CELA3B: variants seen among roughly 807,000 people sequenced by gnomAD.
The protein encoded by CELA3B is chymotrypsin-like elastase family member 3B.
A neutral mutation model predicts 37.2 loss-of-function variants in CELA3B; 34 were observed. The observed-to-expected ratio is 0.91, with a 90% CI of 0.70 to 1.22. The LOEUF is 1.22. CELA3B is among the 50% of genes most tolerant of loss of function. CELA3B has a pLI of 0.00. For missense variants in CELA3B, 340 were observed against 363.1 expected (o/e 0.94, Z 0.52); for synonymous variants, 127 against 143.5 (o/e 0.89, Z 0.82).
In CELA3B at chr1:21,997,944, TGTTGAGAGGGAAACA is replaced by T. The variant is rs1439483959; in HGVS notation, c.505-204_505-190del. On this transcript the variant is annotated intron_variant, in intron 4 of 4. Coordinates refer to the CELA3B transcript ENST00000400277. ...AAGTTAATCTATAATGAAGATTGAC[TGTTGAGAGGGAAACA>T]GTCTGCCCTGTCACCCTTTAGTCAT... Among the ~76,000 whole-genome samples the T allele has an allele frequency of 2.6e-5, 4 of 151,378 alleles. 1 individual carries two copies. The highest frequency in any genetic ancestry group is 1.3e-4 in the Admixed American group (2 of 15,174).
At chr1:21,991,582 C>T (rs1201957078), downstream of CELA3B, among the ~76,000 whole-genome samples, 4 of 150,926 alleles carry the variant, frequency 2.7e-5, no homozygotes, top group Admixed American at 1.3e-4. Context: ...GTGATCCACC[C>T]GCCTTGGCCT....
At chr1:21,992,734 G>C (rs140514409), downstream of CELA3B, among the ~76,000 whole-genome samples, 8 of 151,340 alleles carry the variant, frequency 5.3e-5, no homozygotes, top group African/African-American at 1.7e-4. Context: ...CCAGCACTTT[G>C]GGAGGTTAGG....
chr1:21,981,544 A>C (rs1303750565), intron 4 of CELA3B, among the ~76,000 whole-genome samples: 2 of 151,616 alleles, frequency 1.3e-5, no homozygotes, highest in Non-Finnish European at 2.9e-5. Flanking sequence ...CTATGGGCAC[A>C]AGGAGGAGCA....
At chr1:21,998,258 C>A in exon 5 of CELA3B, 2 of 460,458 alleles carry the variant, frequency 4.3e-6, no homozygotes. Flanking sequence ...TAGGAAAGGA[C>A]AATTTGAACT....
In CELA3B at chr1:21,984,222, C is replaced by T. The variant is rs777058590; in HGVS notation, c.533C>T (p.Ala178Val). ...CCACTCCCAGACAAGCTGCAGGAGG[C>T]CCTGCTGCCGGTGGTGGACTATGAA... Reference protein sequence around the residue: ...NGPLPDKLQEALLPVVDYEHC... With the variant: ...NGPLPDKLQEVLLPVVDYEHC... The change falls in exon 6 of 8, where the codon GCC becomes GTC. Residue 178 changes from alanine to valine, a missense_variant. Coordinates refer to ENST00000337107, the MANE Select transcript of CELA3B (RefSeq NM_007352.4). 1 of 1,614,096 alleles carries T rather than the reference C, an allele frequency of 6.2e-7. No individual in the cohort carries two copies. The highest frequency in any genetic ancestry group is 2.2e-5 in the East Asian group (1 of 44,882).
At chr1:21,990,693 T>C (rs1490491754), downstream of CELA3B, among the ~76,000 whole-genome samples, 1 of 9,258 alleles carries the variant, frequency 1.1e-4, no homozygotes, top group East Asian at 1.5e-3. Context: ...GCCCACGAGT[T>C]TGAGACCAGC....
intron 4 of CELA3B, 147 bp from the exon 5 acceptor site, chr1:21,983,547 T>TG (rs1166870547): frequency 1.8e-5 from 24 of 1,336,274 alleles, no homozygotes; most frequent in East Asian, 1.0e-4. Context: ...TCAATAATAA[T>TG]AATGATGATG....
chr1:21,989,861 A>T (rs561136926), downstream of CELA3B, among the ~76,000 whole-genome samples: 1 of 150,736 alleles, frequency 6.6e-6, no homozygotes, highest in Non-Finnish European at 1.5e-5. Flanking sequence ...GAAGTGACTC[A>T]TTATTTAAAG....
At chr1:21,992,877 A>G (rs1301896094), downstream of CELA3B, among the ~76,000 whole-genome samples, 1 of 150,130 alleles carries the variant, frequency 6.7e-6, no homozygotes, top group Non-Finnish European at 1.5e-5. Context: ...AGGTGGGAAG[A>G]TCACTTGAGC....
At chr1:21,997,700 A>T (rs547589324) in intron 4 of CELA3B, among the ~76,000 whole-genome samples, 47 of 151,488 alleles carry the variant, frequency 3.1e-4, no homozygotes, top group Non-Finnish European at 2.1e-4. Flanking sequence ...CAAAAAAAAA[A>T]AAAAATTATG....
At chr1:21,977,737 T>G (rs551348185) in intron 1 of CELA3B, among the ~76,000 whole-genome samples, 1 of 151,998 alleles carries the variant, frequency 6.6e-6, no homozygotes, top group South Asian at 2.1e-4. Context: ...TTTTTTGCTT[T>G]TTTTTTTGTT....
intron 7 of CELA3B, chr1:21,987,032 G>T (rs540655667): frequency 5.3e-6 from 2 of 380,104 alleles, no homozygotes; most frequent in Non-Finnish European, 1.1e-5. Flanking sequence ...GAATGAGAAC[G>T]ATGCAGTCTG....
chr1:21,977,171 C>A (rs1241220689), intron 1 of CELA3B, 89 bp downstream of exon 1: 3 of 1,579,202 alleles, frequency 1.9e-6, no homozygotes, highest in African/African-American at 2.7e-5. Context: ...CCCATGACAC[C>A]CTATGCCTGG....
In CELA3B at chr1:21,984,236, G is replaced by T. The variant is rs1423685784; in HGVS notation, c.547G>T (p.Val183Leu). 6.2e-7 allele frequency: 1 copy of T among 1,614,198 alleles called. No homozygotes were observed. The highest frequency in any genetic ancestry group is 1.1e-5 in the South Asian group (1 of 91,080). ...GCTGCAGGAGGCCCTGCTGCCGGTG[G>T]TGGACTATGAACACTGCTCCAGGTG... ...DKLQEALLPV[V>L]DYEHCSRWNW... The change falls in exon 6 of 8, where the codon GTG becomes TTG. Residue 183 changes from valine (V) to leucine (L), a missense_variant. Transcript: ENST00000337107.
At chr1:21,978,575 AC>A in intron 2 of CELA3B, 121 bp downstream of exon 2, 1 of 1,234,764 alleles carries the variant, frequency 8.1e-7, no homozygotes, top group Non-Finnish European at 1.2e-6. Context: ...GCTTCCAAAG[AC>A]CAGGCAGCCC....
At chr1:21,987,264 C>T (rs192315511) in intron 7 of CELA3B, among the ~76,000 whole-genome samples, 3 of 151,490 alleles carry the variant, frequency 2.0e-5, no homozygotes, top group Non-Finnish European at 4.4e-5. Context: ...ACCAGCCTGG[C>T]CAAGATGGTG....
At chr1:21,982,921 C>G (rs112411018) in intron 4 of CELA3B, among the ~76,000 whole-genome samples, 1 of 151,996 alleles carries the variant, frequency 6.6e-6, no homozygotes, top group Non-Finnish European at 1.5e-5. Flanking sequence ...CCTCGTGATC[C>G]GCAGCAGTCT....
At chr1:21,986,704 C>A (rs34963341) in intron 7 of CELA3B, 21 bp downstream of exon 7, 1,145,344 of 1,605,526 alleles carry the variant, frequency 0.71, 414,460 homozygotes, top group Middle Eastern at 0.76. Flanking sequence ...CAGGGCGGCC[C>A]GGAGGGCTTT....
rs1247214989 is a variant in CELA3B at position 21,978,517 on chromosome 1, G to A, written c.129+63G>A. 17 of 1,576,794 alleles carry A rather than the reference G, an allele frequency of 1.1e-5. No homozygotes were observed. The East Asian group carries it at 1.6e-4, about 15-fold the overall frequency. On this transcript the variant is annotated intron_variant, in intron 2 of 7. Transcript: ENST00000337107. Reference sequence around the variant, plus strand: ...GCTCTGGACCCTAAGCTCTAATGGCGCGGCATCCAGCCTTGACACCATTGC... The same window carrying A: ...GCTCTGGACCCTAAGCTCTAATGGCACGGCATCCAGCCTTGACACCATTGC...
Sources: gnomAD v4.1 joint callset for allele counts (sites outside exome capture counted in the v4.1 genomes callset) on GRCh38, gnomAD v4.1.1 for gene constraint, MANE v1.5 for transcripts, NCBI Gene and HGNC (gene_info 2026-07-23, HGNC 2026-07-21) for gene names.